Variants in ELMO1 observed in about 807,000 individuals in gnomAD.
ELMO1 encodes engulfment and cell motility protein 1.
A neutral mutation model predicts 98.9 loss-of-function variants in ELMO1; 26 were observed. The observed-to-expected ratio is 0.26, with a 90% CI of 0.19 to 0.36. ELMO1 has a LOEUF of 0.36. Among genes scored for constraint, ELMO1 ranks in the 10% least tolerant of loss-of-function variants. The pLI, the probability that ELMO1 is intolerant of heterozygous loss-of-function variation, is 1.00. For synonymous variants in ELMO1, 346 were observed against 346.0 expected (o/e 1.00, Z 0.00); for missense variants, 627 against 935.2 (o/e 0.67, Z 4.30).
intron 16 of ELMO1, among the ~76,000 whole-genome samples, chr7:36,936,853 C>T (rs1431048016): frequency 1.3e-5 from 2 of 152,108 alleles, no homozygotes; most frequent in Non-Finnish European, 2.9e-5. Context: ...GGGGAAGATA[C>T]ATTAAAAAAA....
intron 7 of ELMO1, among the ~76,000 whole-genome samples, chr7:37,238,921 C>T (rs140179128): frequency 6.6e-6 from 1 of 152,106 alleles, no homozygotes; most frequent in East Asian, 1.9e-4. Context: ...TAACATATTG[C>T]TTGATTGTAT....
At chr7:37,412,933 G>GC (rs1233205808) in intron 1 of ELMO1, among the ~76,000 whole-genome samples, 2 of 152,158 alleles carry the variant, frequency 1.3e-5, no homozygotes, top group African/African-American at 4.8e-5. Context: ...TCAGATGACT[G>GC]CAGCCCCAGC....
At chr7:37,165,523 T>C (rs2129661388) in intron 13 of ELMO1, among the ~76,000 whole-genome samples, 1 of 152,208 alleles carries the variant, frequency 6.6e-6, no homozygotes, top group Middle Eastern at 3.4e-3. Context: ...CAATACCTAA[T>C]TTATTGAGAG....
chr7:37,193,805 G>A (rs1386223608), intron 13 of ELMO1, among the ~76,000 whole-genome samples: 2 of 152,090 alleles, frequency 1.3e-5, no homozygotes, highest in African/African-American at 4.8e-5. Context: ...CTCTCCTGCT[G>A]GCAGATGAGC....
chr7:37,417,684 A>ACACACACACACACACACACACACACACAC (rs765287929), intron 1 of ELMO1, among the ~76,000 whole-genome samples: 1 of 113,388 alleles, frequency 8.8e-6, no homozygotes, highest in African/African-American at 2.8e-5. Context: ...ACACACACAC[A>ACACACACACACACACACACACACACACAC]AGCAAAAATT....
At chr7:37,334,647 A>T (rs575460859) in intron 2 of ELMO1, among the ~76,000 whole-genome samples, 5 of 152,332 alleles carry the variant, frequency 3.3e-5, no homozygotes, top group African/African-American at 1.2e-4. Flanking sequence ...TGCCTGCCAC[A>T]TAGTGTGTGG....
intron 13 of ELMO1, among the ~76,000 whole-genome samples, chr7:37,180,800 ACACACATATGCG>A (rs1265963161): frequency 6.2e-5 from 6 of 97,408 alleles, no homozygotes; most frequent in Admixed American, 3.6e-4. Context: ...GCACATATGC[ACACACATATGCG>A]CACACACACA....
At position 37,024,175 on chromosome 7, in the gene ELMO1, G is replaced by A. The variant is rs73344359; in HGVS notation, c.1301-10740C>T. Among the ~76,000 whole-genome samples the A allele has an allele frequency of 7.9e-3, 1,201 of 152,186 alleles. 17 individuals are homozygous for A. The highest frequency in any genetic ancestry group is 0.027 in the African/African-American group (1,137 of 41,500). On this transcript the variant is annotated intron_variant, in intron 15 of 21. Transcript: ENST00000310758. ...TCCATCTAACTAGCAAGACGGTCAC[G>A]AGCATGGCCCTGGAGCCAGTCTGTC...
chr7:37,367,685 G>A (rs1801958690), intron 1 of ELMO1, among the ~76,000 whole-genome samples: 1 of 151,998 alleles, frequency 6.6e-6, no homozygotes, highest in African/African-American at 2.4e-5. Context: ...AAAACTGGTG[G>A]GCATAAGACC....
intron 16 of ELMO1, among the ~76,000 whole-genome samples, chr7:37,007,544 A>G (rs551888134): frequency 6.6e-6 from 1 of 152,162 alleles, no homozygotes; most frequent in African/African-American, 2.4e-5. Context: ...AGGCCAGCTC[A>G]GCTAACCAAC....
intron 5 of ELMO1, chr7:37,270,879 T>TCACA (rs1247610206): frequency 4.4e-4 from 46 of 104,784 alleles, no homozygotes; most frequent in African/African-American, 1.2e-3. Context: ...TCTCTCTCTC[T>TCACA]CTCACACACA....
intron 13 of ELMO1, among the ~76,000 whole-genome samples, chr7:37,209,818 G>A (rs913657129): frequency 6.6e-6 from 1 of 152,054 alleles, no homozygotes; most frequent in Non-Finnish European, 1.5e-5. Context: ...AAACTCACCC[G>A]CTCCACCAGT....
At chr7:37,418,531 C>T (rs137970732) in intron 1 of ELMO1, among the ~76,000 whole-genome samples, 120 of 152,268 alleles carry the variant, frequency 7.9e-4, no homozygotes, top group Middle Eastern at 6.8e-3. Flanking sequence ...TCTGCCCAGG[C>T]CCCTGGGGTG....
At position 37,077,457 on chromosome 7, in the gene ELMO1, C is replaced by G. The variant is rs547652795; in HGVS notation, c.1300+19162G>C. On this transcript the variant is annotated intron_variant, in intron 15 of 21. Transcript: ENST00000310758. ...GTTGCAAAGAAGTTTGGGCTTCAGCCTAAGAGGAATCATGGCCCAATGGGA... is the reference window on the plus strand; with the variant it reads ...GTTGCAAAGAAGTTTGGGCTTCAGCGTAAGAGGAATCATGGCCCAATGGGA... 2.6e-5 allele frequency among the ~76,000 whole-genome samples: 4 copies of G among 152,238 alleles called. No individual in the cohort carries two copies. The East Asian group carries it at 7.7e-4, about 29-fold the overall frequency.
chr7:37,023,488 T>C (rs1197467411), intron 15 of ELMO1, among the ~76,000 whole-genome samples: 1 of 152,328 alleles, frequency 6.6e-6, no homozygotes, highest in South Asian at 2.1e-4. Flanking sequence ...AACTGGTTTA[T>C]GCAGGCATCC....
intron 1 of ELMO1, among the ~76,000 whole-genome samples, chr7:37,369,876 G>A (rs1343958893): frequency 6.6e-6 from 1 of 152,178 alleles, no homozygotes; most frequent in African/African-American, 2.4e-5. Context: ...TAATGAAGCA[G>A]CCTCAAGGTC....
chr7:36,912,139 G>T (rs531819370), intron 16 of ELMO1, among the ~76,000 whole-genome samples: 4 of 152,190 alleles, frequency 2.6e-5, no homozygotes, highest in Admixed American at 6.5e-5. Context: ...AAGCTTGCTG[G>T]CATTTATTTA....
At chr7:37,197,570 C>T (rs1178249645) in intron 13 of ELMO1, among the ~76,000 whole-genome samples, 1 of 152,224 alleles carries the variant, frequency 6.6e-6, no homozygotes, top group African/African-American at 2.4e-5. Context: ...CACAACAGCA[C>T]ACTGTCTCAG....
At chr7:37,437,979 C>CAAAAAAAAAAAAA (rs57418239) in intron 1 of ELMO1, among the ~76,000 whole-genome samples, 1 of 18,048 alleles carries the variant, frequency 5.5e-5, no homozygotes, top group African/African-American at 1.2e-4. Context: ...GACTCCGTCT[C>CAAAAAAAAAAAAA]AAAAAAAAAA....
Sources: allele counts gnomAD v4.1 joint callset (sites outside exome capture counted in the v4.1 genomes callset), GRCh38; gene constraint gnomAD v4.1.1; transcripts MANE v1.5; gene names NCBI Gene and HGNC (gene_info 2026-07-23, HGNC 2026-07-21).